Variants in PCGF5 observed in about 807,000 individuals in gnomAD.
PCGF5 encodes polycomb group RING finger protein 5.
Under a neutral mutation model 44.3 loss-of-function variants are expected in PCGF5, and 9 were observed. The observed-to-expected ratio is 0.20, with a 90% CI of 0.12 to 0.35. PCGF5 has a LOEUF of 0.35. Among genes scored for constraint, PCGF5 ranks in the 10% least tolerant of loss-of-function variants. The pLI, the probability that PCGF5 is intolerant of heterozygous loss-of-function variation, is 1.00. For missense variants in PCGF5, 146 were observed against 305.3 expected (o/e 0.48, Z 3.89); for synonymous variants, 95 against 102.5 (o/e 0.93, Z 0.44).
chr10:91,192,708 G>A (rs1844055276), intron 1 of PCGF5, among the ~76,000 whole-genome samples: 1 of 152,114 alleles, frequency 6.6e-6, no homozygotes, highest in African/African-American at 2.4e-5. Flanking sequence ...TTATTATATG[G>A]TTTGTTATAA....
the PCGF5 span, among the ~76,000 whole-genome samples, chr10:91,156,906 A>G: frequency 6.6e-6 from 1 of 152,342 alleles, no homozygotes; most frequent in African/African-American, 2.4e-5. Context: ...TAAATAACAA[A>G]TTAACTACTA....
upstream of PCGF5, among the ~76,000 whole-genome samples, chr10:91,162,428 A>G (rs889927697): frequency 6.6e-6 from 1 of 152,136 alleles, no homozygotes; most frequent in Non-Finnish European, 1.5e-5. Flanking sequence ...GACCATCGCC[A>G]GGGAGGCATA....
Position 91,195,727 on chromosome 10 carries a change from G to A in PCGF5, c.-183-26962G>A, listed in dbSNP as rs576275634. Among the ~76,000 whole-genome samples, 4 of 152,000 alleles carry A rather than the reference G, an allele frequency of 2.6e-5. No homozygotes were observed. In the East Asian group the frequency reaches 7.8e-4, roughly 29 times the overall value. On this transcript the variant is annotated intron_variant, in intron 1 of 9. Transcript: ENST00000614189. Reference sequence around the variant, plus strand: ...TGGGATTACAGGCATGAGCCACCATGCCTGGCCTAAATCATATTTTTTTTA... The same window carrying A: ...TGGGATTACAGGCATGAGCCACCATACCTGGCCTAAATCATATTTTTTTTA...
At chr10:91,166,577 G>A (rs889090028) in intron 1 of PCGF5, among the ~76,000 whole-genome samples, 11 of 152,034 alleles carry the variant, frequency 7.2e-5, no homozygotes, top group African/African-American at 2.7e-4. Context: ...TTGTAAGTGT[G>A]CATGTTTGCT....
chr10:91,188,772 T>A (rs1372748202), intron 1 of PCGF5, among the ~76,000 whole-genome samples: 1 of 152,160 alleles, frequency 6.6e-6, no homozygotes, highest in Non-Finnish European at 1.5e-5. Flanking sequence ...AAAGTCCAGA[T>A]CTACAGAGTG....
chr10:91,195,471 C>CATATATAT (rs3068529), intron 1 of PCGF5, among the ~76,000 whole-genome samples: 18 of 138,804 alleles, frequency 1.3e-4, no homozygotes, highest in African/African-American at 5.1e-4. Context: ...TATATGCATG[C>CATATATAT]ATATATATAT....
At chr10:91,170,041 G>T (rs562273896) in intron 1 of PCGF5, among the ~76,000 whole-genome samples, 28 of 152,302 alleles carry the variant, frequency 1.8e-4, no homozygotes, top group Non-Finnish European at 3.5e-4. Flanking sequence ...TTCAGCAAAT[G>T]GGTGAGGCTG....
At chr10:91,157,392 GT>G in the PCGF5 span, among the ~76,000 whole-genome samples, 1 of 152,146 alleles carries the variant, frequency 6.6e-6, no homozygotes, top group Non-Finnish European at 1.5e-5. Flanking sequence ...CTGAATGCAT[GT>G]TGAATTTGAT....
At chr10:91,207,614 C>T (rs1844370961) in intron 1 of PCGF5, among the ~76,000 whole-genome samples, 1 of 152,122 alleles carries the variant, frequency 6.6e-6, no homozygotes, top group African/African-American at 2.4e-5. Context: ...TCCTTTATAA[C>T]CGTAACAATA....
chr10:91,274,283 G>A (rs1312694005), intron 9 of PCGF5, among the ~76,000 whole-genome samples: 5 of 152,202 alleles, frequency 3.3e-5, no homozygotes, highest in South Asian at 4.2e-4. Flanking sequence ...CAGGTGCTTC[G>A]ATCAGTCATG....
At chr10:91,213,582 A>C (rs1406008578) in intron 1 of PCGF5, among the ~76,000 whole-genome samples, 1 of 151,680 alleles carries the variant, frequency 6.6e-6, no homozygotes, top group Non-Finnish European at 1.5e-5. Context: ...CTCCTGCCTC[A>C]GCCTCCCGAG....
intron 1 of PCGF5, among the ~76,000 whole-genome samples, chr10:91,209,084 C>T (rs1210995662): frequency 2.0e-5 from 3 of 152,154 alleles, no homozygotes; most frequent in Non-Finnish European, 2.9e-5. Context: ...ACATTCAATT[C>T]ATTTATTCAG....
chr10:91,266,891 A>G (rs1456563796), intron 8 of PCGF5, among the ~76,000 whole-genome samples: 1 of 152,094 alleles, frequency 6.6e-6, no homozygotes, highest in Admixed American at 6.6e-5. Flanking sequence ...CACCATCGCC[A>G]TTCTCCTAGC....
rs576755423 is a variant in PCGF5, at chr10:91,236,965, G to A, written c.113-3519G>A. Among the ~76,000 whole-genome samples, 13 of 152,262 alleles carry A rather than the reference G, an allele frequency of 8.5e-5. No homozygotes were observed. The East Asian group carries it at 2.3e-3, about 27-fold the overall frequency. ...TTAAGGCTCCTAAAATAAGGAGTAA[G>A]ACATTCTTTTTCTATATATCGTAGA... On this transcript the variant is annotated intron_variant, in intron 2 of 9. Transcript: ENST00000336126.
intron 9 of PCGF5, among the ~76,000 whole-genome samples, chr10:91,275,647 G>T (rs920768403): frequency 6.7e-6 from 1 of 149,524 alleles, no homozygotes; most frequent in Non-Finnish European, 1.5e-5. Context: ...TAGAGGCGGG[G>T]TTTCACCGTG....
intron 9 of PCGF5, among the ~76,000 whole-genome samples, chr10:91,272,495 A>G (rs1441279793): frequency 6.6e-6 from 1 of 152,144 alleles, no homozygotes; most frequent in Admixed American, 6.5e-5. Flanking sequence ...TTTTTAGGCC[A>G]GACACGGTGG....
At chr10:91,232,937 G>A (rs145564813) in intron 2 of PCGF5, among the ~76,000 whole-genome samples, 9 of 152,264 alleles carry the variant, frequency 5.9e-5, no homozygotes, top group African/African-American at 2.2e-4. Context: ...TGAATTTAAG[G>A]TGAGAGACCA....
chr10:91,255,215 T>C (rs904430574), intron 6 of PCGF5, among the ~76,000 whole-genome samples: 15 of 152,044 alleles, frequency 9.9e-5, no homozygotes, highest in African/African-American at 3.4e-4. Context: ...TACAGGCAAA[T>C]GTTTCAACTT....
At chr10:91,233,943 C>A (rs1486217463) in intron 2 of PCGF5, among the ~76,000 whole-genome samples, 1 of 152,192 alleles carries the variant, frequency 6.6e-6, no homozygotes, top group African/African-American at 2.4e-5. Flanking sequence ...TCAATGAAGA[C>A]ACTTAAAGAC....
Sources: allele counts gnomAD v4.1 joint callset (sites outside exome capture counted in the v4.1 genomes callset), GRCh38; gene constraint gnomAD v4.1.1; transcripts MANE v1.5; gene names NCBI Gene and HGNC (gene_info 2026-07-23, HGNC 2026-07-21).